Variants in TMEM201 observed in about 807,000 individuals in gnomAD.
TMEM201 encodes the protein transmembrane protein 201.
In TMEM201, 26 loss-of-function variants were observed where a neutral mutation model predicts 63.4. The ratio of observed to expected loss-of-function variants is 0.41; its 90% confidence interval spans 0.30 to 0.57. The LOEUF is 0.57. Ranked by LOEUF, TMEM201 falls within the 20% of genes least tolerant of loss-of-function variation. TMEM201 has a pLI of 0.29. For missense variants in TMEM201, 794 were observed against 917.7 expected, an observed-to-expected ratio of 0.87 and a Z score of 1.74; for synonymous variants, 417 against 421.6, an observed-to-expected ratio of 0.99 and a Z score of 0.14.
chr1:9,614,114 C>G lies in TMEM201; in HGVS notation c.*1031C>G, dbSNP rs11121452. The G allele has an allele frequency of 0.088, 13,428 of 152,016 alleles. 1,555 individuals are homozygous for G. Among genetic ancestry groups the G allele is most frequent in the East Asian group, 0.53 (2,718 of 5,092 alleles). The allele number at this position is 152,016 out of a possible 1,614,324, so 9.4% of individuals were successfully genotyped here. ...GCACCCGTGGCTATCAGAGCCCCTCCGCTGTCCCACCCTGGGCCTGGGACA... is the reference window on the plus strand; with the variant it reads ...GCACCCGTGGCTATCAGAGCCCCTCGGCTGTCCCACCCTGGGCCTGGGACA... On this transcript the variant is annotated 3_prime_UTR_variant, in exon 11 of 11. Coordinates refer to ENST00000340381, the MANE Select transcript of TMEM201 (RefSeq NM_001130924.3).
chr1:9,591,897 C>T (rs972732166), intron 1 of TMEM201, among the ~76,000 whole-genome samples: 4 of 152,226 alleles, frequency 2.6e-5, no homozygotes, highest in African/African-American at 2.4e-5. Flanking sequence ...TGCTTCAGGG[C>T]GACCGCAGAT....
At chr1:9,598,965 A>C (rs572615630) in intron 4 of TMEM201, among the ~76,000 whole-genome samples, 74 of 151,004 alleles carry the variant, frequency 4.9e-4, no homozygotes, top group Admixed American at 4.7e-3. Context: ...TTTTTTAAAC[A>C]GAGTCTTGCT....
At position 9,602,566 on chromosome 1, in the gene TMEM201, TG is replaced by T. The variant is rs1235753526; in HGVS notation, c.1160+297del. On this transcript the variant is annotated intron_variant, in intron 6 of 10. Coordinates refer to ENST00000340381, the MANE Select transcript of TMEM201 (RefSeq NM_001130924.3). ...TTTCACTGGCCTGGTGACTGGAATG[TG>T]GGCAGCGCCCACACAGGCTCTGGCC... 7 of 1,324,636 alleles carry T rather than the reference TG, an allele frequency of 5.3e-6. No individual in the cohort carries two copies. The Admixed American group carries it at 1.6e-4, about 30-fold the overall frequency. 82.1% of individuals were successfully genotyped at this position (1,324,636 alleles called of 1,614,324 possible).
rs879186314 is a variant in TMEM201 at position 9,598,699 on chromosome 1, A to G, written c.606+74A>G. ...AGGAAACCCTCCCAGGAGGCTGGGC[A>G]CTAGTGACCAGAGGGTAGCTCTTCA... On this transcript the variant is annotated intron_variant, in intron 4 of 10. Coordinates refer to ENST00000340381, the MANE Select transcript of TMEM201 (RefSeq NM_001130924.3). 35 of 1,464,018 alleles carry G rather than the reference A, an allele frequency of 2.4e-5. No homozygotes were observed. The South Asian group carries it at 3.9e-4, about 16-fold the overall frequency. The allele number at this position is 1,464,018 out of a possible 1,614,324, so 90.7% of individuals were successfully genotyped here. A position where few individuals can be genotyped will look rare whatever the true frequency, so the allele number is the denominator to read the frequency against.
At chr1:9,602,469 C>T (rs962763733) in intron 6 of TMEM201, 197 bp downstream of exon 6, 25 of 1,427,938 alleles carry the variant, frequency 1.8e-5, no homozygotes, top group East Asian at 5.1e-5. Context: ...CTTTTCCTTT[C>T]GGGCACCACC....
chr1:9,605,869 C>T lies in TMEM201; in HGVS notation c.1161-1688C>T, dbSNP rs977273253. Reference sequence around the variant, plus strand: ...AGCTGCGTGGCCCAGCTGACCACCTCATACCCACAGCCCACTAGGACCCTC... The same window carrying T: ...AGCTGCGTGGCCCAGCTGACCACCTTATACCCACAGCCCACTAGGACCCTC... On this transcript the variant is annotated intron_variant, in intron 6 of 10. Transcript: ENST00000340381. This position sits in a 1 kb window ranked among gnomAD's most constrained non-coding sequence, Gnocchi z 5.7. 6.6e-5 allele frequency among the ~76,000 whole-genome samples: 10 copies of T among 152,242 alleles called. No homozygotes were observed. Among genetic ancestry groups the T allele is most frequent in the Non-Finnish European group, 7.3e-5 (5 of 68,034 alleles).
chr1:9,593,575 A>C (rs1643958100), intron 1 of TMEM201, among the ~76,000 whole-genome samples: 1 of 152,136 alleles, frequency 6.6e-6, no homozygotes, highest in African/African-American at 2.4e-5. Flanking sequence ...GCCTCATTCT[A>C]GATCAGTGGA....
intron 1 of TMEM201, among the ~76,000 whole-genome samples, chr1:9,591,589 C>T (rs1447439198): frequency 6.6e-6 from 1 of 152,278 alleles, no homozygotes; most frequent in Non-Finnish European, 1.5e-5. Flanking sequence ...AGGATCCGTG[C>T]TCTGCCAGCA....
At chr1:9,590,375 G>A (rs756634314) in intron 1 of TMEM201, among the ~76,000 whole-genome samples, 9 of 152,190 alleles carry the variant, frequency 5.9e-5, no homozygotes, top group African/African-American at 1.7e-4. Flanking sequence ...GGACGAAGCC[G>A]CCTCTCAGCT....
rs1303655212 is a variant in TMEM201 at position 9,610,541 on chromosome 1, T to G, written c.1501T>G (p.Ser501Ala). The G allele has an allele frequency of 6.5e-7, 1 of 1,543,046 alleles. No individual in the cohort carries two copies. Among genetic ancestry groups the G allele is most frequent in the Non-Finnish European group, 8.8e-7 (1 of 1,141,448 alleles). Reference sequence around the variant, plus strand: ...TCTTCTGTCGGGGAGCTGCCCCTCCTCCCCACTCCCTTCCCCAGCGCCTTC... The same window carrying G: ...TCTTCTGTCGGGGAGCTGCCCCTCCGCCCCACTCCCTTCCCCAGCGCCTTC... ...FSLLSGSCPSSPLPSPAPSVA... is the reference protein window; with the variant it reads ...FSLLSGSCPSAPLPSPAPSVA... The change falls in exon 9 of 11, where the codon TCC (serine) becomes GCC (alanine). Residue 501 changes from serine (S) to alanine (A), a missense_variant. Ser to Ala is a moderately conservative substitution (Grantham distance 99, BLOSUM62 1). Transcript: ENST00000340381. This position sits in a 1 kb window ranked among gnomAD's most constrained non-coding sequence, Gnocchi z 4.9.
intron 1 of TMEM201, among the ~76,000 whole-genome samples, chr1:9,595,119 G>A (rs1279901537): frequency 1.3e-5 from 2 of 152,174 alleles, no homozygotes; most frequent in Admixed American, 6.5e-5. Context: ...GGCTTTTTTG[G>A]GCAGTGGCGG....
chr1:9,595,727 T>A (rs1351853519), intron 1 of TMEM201, among the ~76,000 whole-genome samples, 163 bp from the exon 2 acceptor site: 1 of 152,126 alleles, frequency 6.6e-6, no homozygotes, highest in African/African-American at 2.4e-5. Flanking sequence ...GAGCCCTTGT[T>A]CCTCCTGCTG....
rs201935145 is a variant in TMEM201, at chr1:9,607,618, C to G, written c.1222C>G (p.Pro408Ala). 6 of 1,551,834 alleles carry G rather than the reference C, an allele frequency of 3.9e-6. No homozygotes were observed. Among genetic ancestry groups the G allele is most frequent in the Non-Finnish European group, 5.2e-6 (6 of 1,147,048 alleles). ...CAGCCCCAGCTTGGCCATCCCTCACCCGAGTGTCGGAGGCTCTCCAGCGTC... is the reference window on the plus strand; with the variant it reads ...CAGCCCCAGCTTGGCCATCCCTCACGCGAGTGTCGGAGGCTCTCCAGCGTC... ...PTSPSLAIPHPSVGGSPASLF... is the reference protein window; with the variant it reads ...PTSPSLAIPHASVGGSPASLF... The change falls in exon 7 of 11, where the codon CCG (proline) becomes GCG (alanine). Residue 408 changes from proline to alanine, a missense_variant. Physicochemically the swap from Pro to Ala is conservative, Grantham distance 27 (BLOSUM62 -1). Coordinates refer to ENST00000340381, the MANE Select transcript of TMEM201 (RefSeq NM_001130924.3). This position sits in a 1 kb window ranked among gnomAD's most constrained non-coding sequence, Gnocchi z 5.4.
rs2100516754 is a variant in TMEM201 at position 9,607,769 on chromosome 1, T to C, written c.1373T>C (p.Ile458Thr). 1.9e-6 allele frequency: 3 copies of C among 1,551,554 alleles called. No homozygotes were observed. Among genetic ancestry groups the C allele is most frequent in the Non-Finnish European group, 8.7e-7 (1 of 1,147,038 alleles). The change falls in exon 7 of 11, where the codon ATA becomes ACA. Residue 458 changes from isoleucine to threonine, a missense_variant. Transcript: ENST00000340381. This position sits in a 1 kb window ranked among gnomAD's most constrained non-coding sequence, Gnocchi z 5.4. ...RLSRALSLGT[I>T]PSLTRADSGY... is the part of the protein sequence containing the mutation. ...AGCCGGGCCCTCTCTCTGGGAACCATACCCTCTCTGACTCGAGCAGGTAAG... is the reference window on the plus strand; with the variant it reads ...AGCCGGGCCCTCTCTCTGGGAACCACACCCTCTCTGACTCGAGCAGGTAAG...
intron 2 of TMEM201, 22 bp from the exon 3 acceptor site, chr1:9,596,837 G>T (rs762925539): frequency 1.9e-6 from 3 of 1,562,226 alleles, no homozygotes; most frequent in South Asian, 1.2e-5. Flanking sequence ...TGCCTGCCTC[G>T]AGTCCCACCT....
chr1:9,594,627 C>T (rs983738910), intron 1 of TMEM201, among the ~76,000 whole-genome samples: 3 of 152,180 alleles, frequency 2.0e-5, no homozygotes, highest in Admixed American at 1.3e-4. Flanking sequence ...AGGGGAGGGC[C>T]GGGCAGCAGC....
In TMEM201 at chr1:9,605,565, A is replaced by C. The variant is rs991347642; in HGVS notation, c.1161-1992A>C. Among the ~76,000 whole-genome samples, 7 of 151,936 alleles carry C rather than the reference A, an allele frequency of 4.6e-5. No individual in the cohort carries two copies. The highest frequency in any genetic ancestry group is 1.7e-4 in the African/African-American group (7 of 41,434). On this transcript the variant is annotated intron_variant, in intron 6 of 10. Transcript: ENST00000340381. This position sits in a 1 kb window ranked among gnomAD's most constrained non-coding sequence, Gnocchi z 5.7. The stretch of plus-strand genomic sequence containing the variant: ...TCGCTGGGGCGCCTGTACAGAGCCC[A>C]GCCCCTCATGCCCAGCCCTGTGAGC...
rs1032000321 is a variant in TMEM201 at position 9,602,017 on chromosome 1, G to A, written c.957-52G>A. ...CAGAGGAGGCAGGAAGGAAGGCGTGGACCCAGGAGGTCTTGTCCTCCCCTG... is the reference window on the plus strand; with the variant it reads ...CAGAGGAGGCAGGAAGGAAGGCGTGAACCCAGGAGGTCTTGTCCTCCCCTG... On this transcript the variant is annotated intron_variant, in intron 5 of 10. Coordinates refer to ENST00000340381, the MANE Select transcript of TMEM201 (RefSeq NM_001130924.3). 9.5e-6 allele frequency: 15 copies of A among 1,579,250 alleles called. No individual in the cohort carries two copies. In the African/African-American group the frequency reaches 2.0e-4, roughly 21 times the overall value.
Position 9,603,058 on chromosome 1 carries a change from T to C in TMEM201, c.1160+786T>C. ...GCTGACCTTGGGGAATCTGAGCTTT[T>C]CCAAGGGTAAGGGGCCCAGGGTATG... is the stretch of plus-strand genomic sequence containing the variant. On this transcript the variant is annotated intron_variant, in intron 6 of 10. Coordinates refer to ENST00000340381, the MANE Select transcript of TMEM201 (RefSeq NM_001130924.3). This position sits in a 1 kb window ranked among gnomAD's most constrained non-coding sequence, Gnocchi z 4.5. The C allele has an allele frequency of 1.0e-6, 1 of 985,492 alleles. No homozygotes were observed. Among genetic ancestry groups the C allele is most frequent in the Non-Finnish European group, 1.2e-6 (1 of 829,970 alleles). 61.0% of individuals were successfully genotyped at this position (985,492 alleles called of 1,614,324 possible).
Sources: gnomAD v4.1 joint callset for allele counts (sites outside exome capture counted in the v4.1 genomes callset) on GRCh38, gnomAD v4.1.1 for gene constraint, Gnocchi (gnomAD v3.1) non-coding constraint, MANE v1.5 for transcripts, NCBI Gene and HGNC (gene_info 2026-07-23, HGNC 2026-07-21) for gene names.